The following RPS6KA2 variants were observed in gnomAD, a reference collection of about 807,000 sequenced individuals.
RPS6KA2 encodes the protein ribosomal protein S6 kinase alpha-2.
RPS6KA2 carries 42 observed loss-of-function variants against 91.8 expected under a neutral mutation model. The ratio of observed to expected loss-of-function variants is 0.46; its 90% CI spans 0.36 to 0.59. The LOEUF is 0.59. Among genes scored for constraint, RPS6KA2 ranks in the 20% least tolerant of loss-of-function variants. The probability of loss-of-function intolerance (pLI) is 0.00; values close to 1 mark genes in which losing one functional copy is unlikely to be tolerated. For synonymous variants in RPS6KA2, 414 were observed against 393.6 expected, an observed-to-expected ratio of 1.05 and a Z score of -0.61; for missense variants, 798 against 978.5, an observed-to-expected ratio of 0.82 and a Z score of 2.46.
intron 2 of RPS6KA2, among the ~76,000 whole-genome samples, chr6:166,736,763 C>G (rs567169496): frequency 6.6e-6 from 1 of 152,278 alleles, no homozygotes; most frequent in South Asian, 2.1e-4. Flanking sequence ...GAAGTGAGCT[C>G]TCCTCTCAGC....
rs1466758477 is a variant in RPS6KA2 at position 166,665,590 on chromosome 6, G to A, written c.124-126806C>T. On this transcript the variant is annotated intron_variant, in intron 2 of 21. Coordinates refer to the RPS6KA2 transcript ENST00000503859. The surrounding 1 kb of genome is among the most constrained non-coding windows in gnomAD (Gnocchi z 4.5). ...AGGGCACAGATGCAAACTACTTTCA[G>A]AAACGTGTTCTCTTCTGAAAGACTC... Among the ~76,000 whole-genome samples, 1 of 152,110 alleles carries A rather than the reference G, an allele frequency of 6.6e-6. No homozygotes were observed. Among genetic ancestry groups the A allele is most frequent in the Non-Finnish European group, 1.5e-5 (1 of 68,034 alleles).
chr6:166,430,713 G>A, intron 15 of RPS6KA2, 102 bp from the exon 16 acceptor site: 1 of 1,223,112 alleles, frequency 8.2e-7, no homozygotes, highest in Non-Finnish European at 1.1e-6. Context: ...GGGAGAGGCT[G>A]GGACCACAGG....
At chr6:166,565,873 C>A (rs1386441743) in intron 1 of RPS6KA2, among the ~76,000 whole-genome samples, 3 of 152,242 alleles carry the variant, frequency 2.0e-5, no homozygotes, top group Admixed American at 1.3e-4. Context: ...TCAGGAGACA[C>A]TACGCCTAGG....
chr6:166,548,811 C>T (rs987873557), intron 1 of RPS6KA2, among the ~76,000 whole-genome samples: 1 of 152,142 alleles, frequency 6.6e-6, no homozygotes, highest in Non-Finnish European at 1.5e-5. Flanking sequence ...AACCATGATT[C>T]ATCAAAGAAA....
intron 11 of RPS6KA2, among the ~76,000 whole-genome samples, chr6:166,468,014 G>C (rs1324869893): frequency 1.3e-5 from 2 of 152,268 alleles, no homozygotes; most frequent in South Asian, 4.1e-4. Flanking sequence ...CAGGCATCTG[G>C]GTTCCAGGCA....
At chr6:166,525,653 T>C (rs1028595640) in intron 3 of RPS6KA2, among the ~76,000 whole-genome samples, 33 of 152,246 alleles carry the variant, frequency 2.2e-4, no homozygotes, top group African/African-American at 8.0e-4. Context: ...AAATGACTTC[T>C]GCAGGTCTCC....
intron 2 of RPS6KA2, among the ~76,000 whole-genome samples, chr6:166,679,811 C>A (rs887334102): frequency 1.3e-5 from 2 of 152,194 alleles, no homozygotes; most frequent in African/African-American, 4.8e-5. Flanking sequence ...CTGGCTGGCG[C>A]GGGTTCCAGG....
At chr6:166,611,945 G>A (rs920116752) in intron 1 of RPS6KA2, among the ~76,000 whole-genome samples, 1 of 152,172 alleles carries the variant, frequency 6.6e-6, no homozygotes, top group South Asian at 2.1e-4. Context: ...AGATCTCCCT[G>A]GGGCCAAACA....
At chr6:166,743,776 G>A (rs1330629929) in intron 2 of RPS6KA2, among the ~76,000 whole-genome samples, 1 of 152,050 alleles carries the variant, frequency 6.6e-6, no homozygotes, top group East Asian at 1.9e-4. Context: ...CGGCAGACAG[G>A]GCTTTGGCTG....
At chr6:166,416,109 A>C in intron 19 of RPS6KA2, among the ~76,000 whole-genome samples, 3 of 12,954 alleles carry the variant, frequency 2.3e-4, no homozygotes, top group Non-Finnish European at 3.2e-4. Flanking sequence ...TCCACCATCC[A>C]CCCTCACCAT....
At position 166,495,533 on chromosome 6, in the gene RPS6KA2, C is replaced by A. The variant is rs769536949; in HGVS notation, c.747+2975G>T. Among the ~76,000 whole-genome samples the A allele has an allele frequency of 6.6e-6, 1 of 152,136 alleles. No homozygotes were observed. The highest frequency in any genetic ancestry group is 6.5e-5 in the Admixed American group (1 of 15,276). On this transcript the variant is annotated intron_variant, in intron 8 of 20. Coordinates refer to ENST00000265678, the MANE Select transcript of RPS6KA2 (RefSeq NM_021135.6). This position sits in a 1 kb window ranked among gnomAD's most constrained non-coding sequence, Gnocchi z 4.4. Reference sequence around the variant, plus strand: ...ACTCCAGGGACAGGGAGGGTGGGGACTCCAGGATGGGTGAAGGCTGCCGGG... The same window carrying A: ...ACTCCAGGGACAGGGAGGGTGGGGAATCCAGGATGGGTGAAGGCTGCCGGG...
At chr6:166,748,234 G>A (rs1366558204) in intron 2 of RPS6KA2, among the ~76,000 whole-genome samples, 3 of 152,190 alleles carry the variant, frequency 2.0e-5, no homozygotes, top group Admixed American at 1.3e-4. Context: ...TCAGGAGGGC[G>A]GGATGAGGGC....
chr6:166,616,121 C>G (rs764813529), intron 1 of RPS6KA2, among the ~76,000 whole-genome samples: 1 of 152,144 alleles, frequency 6.6e-6, no homozygotes, highest in Non-Finnish European at 1.5e-5. Context: ...CAGACCACAC[C>G]CCGGCTGACC....
At chr6:166,565,438 T>C (rs555969679) in intron 1 of RPS6KA2, among the ~76,000 whole-genome samples, 14 of 152,342 alleles carry the variant, frequency 9.2e-5, no homozygotes, top group African/African-American at 3.4e-4. Flanking sequence ...GGGTCCGCCC[T>C]CCCTGGCACC....
chr6:166,763,790 C>T (rs979345796), intron 2 of RPS6KA2, among the ~76,000 whole-genome samples: 1 of 151,986 alleles, frequency 6.6e-6, no homozygotes, highest in Non-Finnish European at 1.5e-5. Flanking sequence ...TCCCAAGGGC[C>T]CCATGATAAT....
intron 2 of RPS6KA2, among the ~76,000 whole-genome samples, chr6:166,721,909 T>G (rs1716004145): frequency 6.6e-6 from 1 of 152,154 alleles, no homozygotes; most frequent in South Asian, 2.1e-4. Flanking sequence ...ATAGCCTGAT[T>G]CCTATCATGC....
chr6:166,599,096 C>A (rs755642727), intron 1 of RPS6KA2, among the ~76,000 whole-genome samples: 1 of 152,214 alleles, frequency 6.6e-6, no homozygotes, highest in Admixed American at 6.5e-5. Context: ...TCACCTGGTG[C>A]GTGCCATATG....
Position 166,518,251 on chromosome 6 carries a change from C to CAAA in RPS6KA2, c.299-7897_299-7895dup, listed in dbSNP as rs11373431. 2.7e-3 allele frequency among the ~76,000 whole-genome samples: 236 copies of CAAA among 86,990 alleles called. 5 individuals are homozygous for CAAA. The highest frequency in any genetic ancestry group is 8.8e-3 in the Middle Eastern group (1 of 114). The allele number at this position is 86,990 out of a possible 152,430, so 57.1% of individuals were successfully genotyped here. ...GGGTGACAGGAGTAAAACACTGCCT[C>CAAA]AAAAAAAAAAAAAAAAAAAAAGCAA... On this transcript the variant is annotated intron_variant, in intron 3 of 20. Coordinates refer to ENST00000265678, the MANE Select transcript of RPS6KA2 (RefSeq NM_021135.6).
At chr6:166,730,350 T>C (rs182927285) in intron 2 of RPS6KA2, among the ~76,000 whole-genome samples, 219 of 151,068 alleles carry the variant, frequency 1.4e-3, no homozygotes, top group Middle Eastern at 3.4e-3. Context: ...TTGATATAAA[T>C]ATTCTAAAAG....
Sources: gnomAD v4.1 joint callset for allele counts (sites outside exome capture counted in the v4.1 genomes callset) on GRCh38, gnomAD v4.1.1 for gene constraint, Gnocchi (gnomAD v3.1) non-coding constraint, MANE v1.5 for transcripts, NCBI Gene and HGNC (gene_info 2026-07-23, HGNC 2026-07-21) for gene names.